VPS13B: variants seen among roughly 807,000 people sequenced by gnomAD.
VPS13B encodes the protein intermembrane lipid transfer protein VPS13B.
VPS13B carries 285 observed loss-of-function variants against 426.4 expected under a neutral mutation model. The ratio of observed to expected loss-of-function variants is 0.67; its 90% confidence interval spans 0.61 to 0.74. VPS13B has a LOEUF of 0.74. Among genes scored for constraint, VPS13B ranks in the 30% least tolerant of loss-of-function variants. VPS13B has a pLI of 0.00. For missense variants in VPS13B, 4,537 were observed against 4,782.6 expected (o/e 0.95, Z 1.51); for synonymous variants, 1,676 against 1,676.4 (o/e 1.00, Z 0.01).
At chr8:99,176,744 TG>T (rs1812654436) in intron 16 of VPS13B, among the ~76,000 whole-genome samples, 1 of 152,200 alleles carries the variant, frequency 6.6e-6, no homozygotes, top group Non-Finnish European at 1.5e-5. Context: ...AGCTTTTATG[TG>T]GGTGCAGGAT....
intron 17 of VPS13B, among the ~76,000 whole-genome samples, chr8:99,219,755 A>T (rs1815597673): frequency 1.3e-5 from 2 of 152,206 alleles, no homozygotes; most frequent in African/African-American, 4.8e-5. Context: ...AACATCTCTT[A>T]AAAATCCCAC....
At chr8:99,037,924 T>G (rs1842819386) in intron 2 of VPS13B, among the ~76,000 whole-genome samples, 2 of 151,952 alleles carry the variant, frequency 1.3e-5, no homozygotes, top group South Asian at 4.1e-4. Flanking sequence ...CAACTTGACT[T>G]AGAATACTGT....
chr8:99,361,224 C>G (rs141850616), intron 19 of VPS13B, among the ~76,000 whole-genome samples: 2 of 152,180 alleles, frequency 1.3e-5, no homozygotes, highest in Non-Finnish European at 2.9e-5. Context: ...TTGGAAAATT[C>G]ATTAGACACT....
intron 20 of VPS13B, among the ~76,000 whole-genome samples, chr8:99,388,540 G>A (rs928647682): frequency 3.9e-5 from 6 of 152,250 alleles, no homozygotes; most frequent in South Asian, 2.1e-4. Flanking sequence ...GATTGCAACT[G>A]AAATTTGAGA....
intron 43 of VPS13B, chr8:99,798,963 G>A (rs1812997247): frequency 6.6e-6 from 1 of 152,180 alleles, no homozygotes; most frequent in Non-Finnish European, 1.5e-5. Context: ...ATGTTATAAA[G>A]ATTTCAGCAT....
At chr8:99,172,787 G>A (rs1812416324) in intron 16 of VPS13B, among the ~76,000 whole-genome samples, 2 of 152,062 alleles carry the variant, frequency 1.3e-5, no homozygotes, top group Admixed American at 1.3e-4. Context: ...TTAACATTAG[G>A]TGGAATCTTA....
intron 29 of VPS13B, among the ~76,000 whole-genome samples, chr8:99,513,722 A>G (rs1821912943): frequency 6.6e-6 from 1 of 152,246 alleles, no homozygotes; most frequent in Admixed American, 6.5e-5. Context: ...TTTAAATTTT[A>G]GAAGACGAAC....
intron 19 of VPS13B, among the ~76,000 whole-genome samples, chr8:99,372,124 G>A (rs569535855): frequency 1.1e-4 from 16 of 151,520 alleles, no homozygotes; most frequent in African/African-American, 3.1e-4. Context: ...GGTGGCGGGC[G>A]CCTGTAGTCC....
intron 19 of VPS13B, among the ~76,000 whole-genome samples, chr8:99,368,249 G>T (rs1045060664): frequency 6.6e-6 from 1 of 152,028 alleles, no homozygotes; most frequent in Non-Finnish European, 1.5e-5. Context: ...TCCTTTTCAG[G>T]TTTCTCTTAT....
chr8:99,340,486 A>C, intron 19 of VPS13B: 3 of 486,394 alleles, frequency 6.2e-6, no homozygotes, highest in Non-Finnish European at 1.2e-5. Flanking sequence ...GATTTCTGGA[A>C]GTTTTACCAA....
chr8:99,510,524 A>G (rs2133635190), intron 28 of VPS13B, among the ~76,000 whole-genome samples: 1 of 152,260 alleles, frequency 6.6e-6, no homozygotes, highest in East Asian at 1.9e-4. Context: ...TTTGTTTGAG[A>G]CAGAGCCTCA....
chr8:99,093,834 G>C (rs1168192238), intron 3 of VPS13B: 1 of 152,062 alleles, frequency 6.6e-6, no homozygotes, highest in Non-Finnish European at 1.5e-5. Context: ...AAATAAACTA[G>C]AAAATCTAGA....
intron 35 of VPS13B, among the ~76,000 whole-genome samples, chr8:99,685,317 T>G (rs1470271671): frequency 6.6e-6 from 1 of 152,260 alleles, no homozygotes; most frequent in African/African-American, 2.4e-5. Flanking sequence ...CATCTCACAA[T>G]TCTATGGTTA....
intron 17 of VPS13B, 51 bp downstream of exon 17, chr8:99,193,108 A>G: frequency 6.4e-7 from 1 of 1,570,890 alleles, no homozygotes; most frequent in East Asian, 2.2e-5. Flanking sequence ...TGTTAGAGGC[A>G]ACTAATATTT....
chr8:99,318,757 G>A (rs772290467), intron 19 of VPS13B, among the ~76,000 whole-genome samples: 6 of 151,996 alleles, frequency 3.9e-5, no homozygotes, highest in Non-Finnish European at 5.9e-5. Context: ...TTCTGACCTC[G>A]TGATCCACCT....
At chr8:99,025,230 G>C (rs1489420505) in intron 2 of VPS13B, among the ~76,000 whole-genome samples, 1 of 151,716 alleles carries the variant, frequency 6.6e-6, no homozygotes, top group Admixed American at 6.6e-5. Context: ...CTGCAAATAG[G>C]GACAGTTTGA....
chr8:99,194,617 G>A (rs1313862255), intron 17 of VPS13B, among the ~76,000 whole-genome samples: 1 of 152,194 alleles, frequency 6.6e-6, no homozygotes, highest in African/African-American at 2.4e-5. Flanking sequence ...ATTTAAGGCA[G>A]AATAGTAATC....
intron 2 of VPS13B, among the ~76,000 whole-genome samples, chr8:99,022,022 TTGCTAGGGTCTTATTAATTTTATTAATA>T (rs1396702060): frequency 1.3e-5 from 2 of 152,192 alleles, no homozygotes; most frequent in African/African-American, 4.8e-5. Context: ...TTCATCGATA[TTGCTAGGGTCTTATTAATTTTATTAATA>T]TTTTCAAAGA....
chr8:99,487,352 T>C (rs1385431158), intron 25 of VPS13B, among the ~76,000 whole-genome samples: 2 of 152,330 alleles, frequency 1.3e-5, no homozygotes, highest in Admixed American at 6.5e-5. Flanking sequence ...AATTTCTTAC[T>C]AAGAACTAGT....
Sources: gnomAD v4.1 joint callset for allele counts (sites outside exome capture counted in the v4.1 genomes callset) on GRCh38, gnomAD v4.1.1 for gene constraint, MANE v1.5 for transcripts, NCBI Gene and HGNC (gene_info 2026-07-23, HGNC 2026-07-21) for gene names.